NELL1: variants seen among roughly 807,000 people sequenced by gnomAD.
NELL1 encodes the protein neural EGFL like 1.
NELL1 carries 76 observed loss-of-function variants against 107.4 expected under a neutral mutation model. That is an observed-to-expected ratio of 0.71 (90% CI 0.59 to 0.86). NELL1 has a LOEUF of 0.86. Ranked by LOEUF, NELL1 falls within the 40% of genes least tolerant of loss-of-function variation. The pLI is 0.00. For synonymous variants in NELL1, 353 were observed against 341.2 expected (o/e 1.03, Z -0.38); for missense variants, 1,024 against 1,005.5 (o/e 1.02, Z -0.25).
At chr11:20,793,944 A>G (rs1857122890) in intron 3 of NELL1, among the ~76,000 whole-genome samples, 1 of 152,234 alleles carries the variant, frequency 6.6e-6, no homozygotes, top group South Asian at 2.1e-4. Context: ...ATAGATAAAT[A>G]CAGACATATG....
intron 13 of NELL1, among the ~76,000 whole-genome samples, chr11:21,182,994 G>A (rs1377996619): frequency 6.6e-6 from 1 of 151,842 alleles, no homozygotes; most frequent in Non-Finnish European, 1.5e-5. Flanking sequence ...CTGAAGCTTT[G>A]CAGTTCTCCT....
intron 15 of NELL1, among the ~76,000 whole-genome samples, chr11:21,394,656 T>C (rs1851945073): frequency 6.6e-6 from 1 of 151,412 alleles, no homozygotes; most frequent in Non-Finnish European, 1.5e-5. Context: ...TGATGATGGG[T>C]CTCTGGAAGG....
intron 12 of NELL1, among the ~76,000 whole-genome samples, chr11:21,047,415 A>G (rs1853382875): frequency 6.6e-6 from 1 of 152,174 alleles, no homozygotes; most frequent in Non-Finnish European, 1.5e-5. Flanking sequence ...GACTTTAGGC[A>G]TGTATTAGAT....
At chr11:20,693,458 A>G (rs1854526055) in intron 2 of NELL1, among the ~76,000 whole-genome samples, 1 of 151,890 alleles carries the variant, frequency 6.6e-6, no homozygotes, top group South Asian at 2.1e-4. Flanking sequence ...TGCTTCCTTC[A>G]GGAGCTCTTT....
chr11:20,947,346 T>C lies in NELL1; in HGVS notation c.1082T>C (p.Leu361Ser), dbSNP rs1850983086. ...ATATTTGGCTTCCAGGGTGGAGTTT[T>C]AGTAAAAATTACAGAAATGTGTCCT... The part of the protein sequence containing the change: ...KSCRECRGGV[L>S]VKITEMCPPL... Residue 361 changes from leucine (L) to serine (S), a missense_variant, in exon 11 of 20, where the codon TTA (leucine) becomes TCA (serine). Leu to Ser is a moderately radical substitution (Grantham distance 145). Transcript: ENST00000357134. The C allele has an allele frequency of 6.2e-7, 1 of 1,613,502 alleles. No individual in the cohort carries two copies. The highest frequency in any genetic ancestry group is 8.5e-7 in the Non-Finnish European group (1 of 1,179,512).
chr11:21,214,704 G>A (rs1158228135), intron 13 of NELL1, among the ~76,000 whole-genome samples: 1 of 138,938 alleles, frequency 7.2e-6, no homozygotes, highest in Non-Finnish European at 1.5e-5. Context: ...TCCTAGAAAT[G>A]TAAAAATGTA....
chr11:20,917,317 A>AT (rs921090809), intron 5 of NELL1, among the ~76,000 whole-genome samples: 3 of 151,982 alleles, frequency 2.0e-5, no homozygotes, highest in East Asian at 1.9e-4. Flanking sequence ...TCCAATTAAT[A>AT]TTTTTTTCTT....
chr11:21,184,248 ATTGT>A (rs1856886646), intron 13 of NELL1, among the ~76,000 whole-genome samples: 2 of 151,396 alleles, frequency 1.3e-5, no homozygotes, highest in Non-Finnish European at 2.9e-5. Context: ...TGGCATGCAA[ATTGT>A]TTGTTTATTG....
At position 21,315,489 on chromosome 11, in the gene NELL1, C is replaced by T. The variant is rs572307624; in HGVS notation, c.1550-55364C>T. On this transcript the variant is annotated intron_variant, in intron 14 of 19. Coordinates refer to ENST00000357134, the MANE Select transcript of NELL1 (RefSeq NM_006157.5). ...TTGGTGAAAGATTGGATGTGGCAAA[C>T]AAGCCAGGCTTTGTCTCTCAGTCAC... 3.3e-5 allele frequency among the ~76,000 whole-genome samples: 5 copies of T among 152,298 alleles called. No homozygotes were observed. In the South Asian group the frequency reaches 8.3e-4, roughly 25 times the overall value.
At chr11:21,103,058 C>T (rs1482444971) in intron 12 of NELL1, among the ~76,000 whole-genome samples, 2 of 152,172 alleles carry the variant, frequency 1.3e-5, no homozygotes, top group Non-Finnish European at 2.9e-5. Flanking sequence ...TTCTTGAGTA[C>T]ATTTAGCTGA....
intron 12 of NELL1, among the ~76,000 whole-genome samples, chr11:21,046,729 G>T (rs558926094): frequency 6.7e-6 from 1 of 148,938 alleles, no homozygotes; most frequent in African/African-American, 2.5e-5. Context: ...TTGAGGCAGG[G>T]TCTCACTCTG....
rs75010535 is a variant in NELL1, at chr11:21,385,837, G to T, written c.1645+14889G>T. 2.6e-5 allele frequency among the ~76,000 whole-genome samples: 4 copies of T among 151,784 alleles called. No homozygotes were observed. The East Asian group carries it at 7.8e-4, about 30-fold the overall frequency. On this transcript the variant is annotated intron_variant, in intron 15 of 19. Coordinates refer to ENST00000357134, the MANE Select transcript of NELL1 (RefSeq NM_006157.5). ...ATTCCTCCTGCACTAAACATTGTCA[G>T]ATTTTATCAAAGCAACAATCTGCCT...
chr11:21,002,288 T>G (rs925460869), intron 12 of NELL1, among the ~76,000 whole-genome samples: 1 of 152,172 alleles, frequency 6.6e-6, no homozygotes, highest in African/African-American at 2.4e-5. Flanking sequence ...CAAGAATATA[T>G]TATAACAGTT....
chr11:21,465,951 A>G (rs1215158660), intron 15 of NELL1, among the ~76,000 whole-genome samples: 3 of 152,056 alleles, frequency 2.0e-5, no homozygotes, highest in Non-Finnish European at 2.9e-5. Flanking sequence ...TTGAAGCTAT[A>G]CACACTACCT....
At chr11:21,512,232 C>G (rs1015837715) in intron 15 of NELL1, among the ~76,000 whole-genome samples, 1 of 152,142 alleles carries the variant, frequency 6.6e-6, no homozygotes, top group Admixed American at 6.6e-5. Context: ...GCAGGCCAGC[C>G]TCCTGTTTAA....
intron 10 of NELL1, 121 bp from the exon 11 acceptor site, chr11:20,947,215 C>A: frequency 1.5e-6 from 1 of 650,262 alleles, no homozygotes; most frequent in South Asian, 1.9e-5. Flanking sequence ...AGTGGAATCC[C>A]TGGGAGTATT....
intron 14 of NELL1, among the ~76,000 whole-genome samples, chr11:21,356,439 T>C (rs1850935110): frequency 6.6e-6 from 1 of 152,134 alleles, no homozygotes; most frequent in Non-Finnish European, 1.5e-5. Flanking sequence ...ACATCTCTGG[T>C]TTCTGCTCAC....
chr11:20,943,849 A>T (rs1850908358), intron 10 of NELL1, among the ~76,000 whole-genome samples: 1 of 152,188 alleles, frequency 6.6e-6, no homozygotes, highest in Non-Finnish European at 1.5e-5. Flanking sequence ...ATTGAGAAGG[A>T]TTGTTTGATC....
intron 5 of NELL1, among the ~76,000 whole-genome samples, chr11:20,895,559 G>A (rs2134123009): frequency 7.1e-6 from 1 of 140,826 alleles, no homozygotes; most frequent in Non-Finnish European, 1.5e-5. Context: ...AGGCTGGAGT[G>A]CAGTGGCGCG....
Sources: allele counts gnomAD v4.1 joint callset (sites outside exome capture counted in the v4.1 genomes callset), GRCh38; gene constraint gnomAD v4.1.1; transcripts MANE v1.5; gene names NCBI Gene and HGNC (gene_info 2026-07-23, HGNC 2026-07-21).